THSD4: variants seen among roughly 807,000 people sequenced by gnomAD.
The protein encoded by THSD4 is thrombospondin type-1 domain-containing protein 4.
A neutral mutation model predicts 119.0 loss-of-function variants in THSD4; 69 were observed. The observed-to-expected ratio is 0.58, with a 90% CI of 0.48 to 0.71. THSD4 has a LOEUF of 0.71. Ranked by LOEUF, THSD4 falls within the 30% of genes least tolerant of loss-of-function variation. The pLI is 0.00. For synonymous variants in THSD4, 524 were observed against 540.4 expected, an observed-to-expected ratio of 0.97 and a Z score of 0.42; for missense variants, 1,393 against 1,391.1, an observed-to-expected ratio of 1.00 and a Z score of -0.02.
chr15:71,758,149 A>C, intron 15 of THSD4, 74 bp downstream of exon 15: 1 of 1,460,480 alleles, frequency 6.8e-7, no homozygotes, highest in Non-Finnish European at 9.1e-7. Context: ...AGGAACCAGG[A>C]CTTTGTGTCA....
At chr15:71,543,943 G>T (rs2048799225) in intron 7 of THSD4, among the ~76,000 whole-genome samples, 1 of 152,154 alleles carries the variant, frequency 6.6e-6, no homozygotes, top group Admixed American at 6.5e-5. Flanking sequence ...CAGGAGAATT[G>T]TTTGAACACA....
chr15:71,411,733 C>A lies in THSD4; in HGVS notation c.1062C>A (p.Tyr354Ter). ...AGTTGAACTGCCAGGCAATGGGCTA[C>A]CGCTTCTATGTACGGCAAGCTGAGA... Reference protein sequence around the residue: ...KCELNCQAMGYRFYVRQAEKV... With the variant: ...KCELNCQAMG Residue 354 changes from tyrosine to a stop codon, truncating the protein, a stop_gained, in exon 7 of 18, where the codon TAC (tyrosine) becomes TAA (stop). Coordinates refer to ENST00000261862, the MANE Select transcript of THSD4 (RefSeq NM_024817.3). LOFTEE classifies it high-confidence loss of function. 2.5e-6 allele frequency: 4 copies of A among 1,614,134 alleles called. No individual in the cohort carries two copies. The highest frequency in any genetic ancestry group is 3.4e-6 in the Non-Finnish European group (4 of 1,180,006).
chr15:71,622,289 A>G (rs1044325765), intron 7 of THSD4, among the ~76,000 whole-genome samples: 1 of 152,176 alleles, frequency 6.6e-6, no homozygotes, highest in African/African-American at 2.4e-5. Flanking sequence ...AGTTGGTCCT[A>G]TTTTGGGTAA....
upstream of THSD4, chr15:71,111,709 A>G (rs754248167): frequency 2.8e-5 from 15 of 528,480 alleles, no homozygotes; most frequent in Non-Finnish European, 4.7e-5. Context: ...AGGGGTTTGA[A>G]TGTAGGTCCA....
chr15:71,725,719 T>C (rs2088864), intron 8 of THSD4, among the ~76,000 whole-genome samples: 82,577 of 151,856 alleles, frequency 0.54, 26,679 homozygotes, highest in East Asian at 0.81. Context: ...ATTTCCTCAA[T>C]GGAATGATGG....
upstream of THSD4, among the ~76,000 whole-genome samples, chr15:71,113,025 A>C (rs575198028): frequency 2.0e-5 from 3 of 152,228 alleles, no homozygotes; most frequent in South Asian, 6.2e-4. Flanking sequence ...CTAAAAATAA[A>C]AAATGAAAAA....
At chr15:71,312,017 CCTA>C (rs2045117619) in intron 6 of THSD4, among the ~76,000 whole-genome samples, 1 of 152,194 alleles carries the variant, frequency 6.6e-6, no homozygotes, top group Non-Finnish European at 1.5e-5. Context: ...GTGACACTGT[CCTA>C]CTGCAGACCC....
intron 14 of THSD4, among the ~76,000 whole-genome samples, chr15:71,749,737 T>TTTATTTATTTATTTA (rs1272403460): frequency 4.4e-5 from 1 of 22,616 alleles, no homozygotes. Context: ...TTATTTATTT[T>TTTATTTATTTATTTA]GAGACCGGGT....
Position 71,241,907 on chromosome 15 carries a change from A to G in THSD4, c.465-742A>G, listed in dbSNP as rs2044156592. Among the ~76,000 whole-genome samples the G allele has an allele frequency of 1.3e-5, 2 of 152,212 alleles. 1 individual carries two copies. The highest frequency in any genetic ancestry group is 4.8e-5 in the African/African-American group (2 of 41,546). On this transcript the variant is annotated intron_variant, in intron 4 of 17. Coordinates refer to ENST00000261862, the MANE Select transcript of THSD4 (RefSeq NM_024817.3). Reference sequence around the variant, plus strand: ...AAACATTATGAGATTTTTTTTTGCAATATATTTTTTTAGCTCATCAACTGT... The same window carrying G: ...AAACATTATGAGATTTTTTTTTGCAGTATATTTTTTTAGCTCATCAACTGT...
chr15:71,636,733 A>G (rs947575538), intron 7 of THSD4, among the ~76,000 whole-genome samples: 10 of 151,822 alleles, frequency 6.6e-5, no homozygotes, highest in African/African-American at 1.5e-4. Flanking sequence ...GCCTTTGACA[A>G]TCCTGACCCC....
chr15:71,728,427 G>T (rs1477551349), intron 8 of THSD4, 122 bp from the exon 9 acceptor site: 2 of 1,210,564 alleles, frequency 1.7e-6, no homozygotes, highest in Non-Finnish European at 2.3e-6. Flanking sequence ...ATCATTGCCT[G>T]GCACATAGTG....
rs781496302 is a variant in THSD4 at position 71,418,210 on chromosome 15, T to C, written c.1152+6387T>C. The stretch of plus-strand genomic sequence containing the variant: ...AAATTTTATCATCTGCAAACAAGGG[T>C]AATTTGGCTTCGTCCTTTCCAATTT... On this transcript the variant is annotated intron_variant, in intron 7 of 17. Coordinates refer to ENST00000261862, the MANE Select transcript of THSD4 (RefSeq NM_024817.3). Among the ~76,000 whole-genome samples, 7 of 108,024 alleles carry C rather than the reference T, an allele frequency of 6.5e-5. 1 individual carries two copies. Among genetic ancestry groups the C allele is most frequent in the Admixed American group, 1.2e-4 (1 of 8,348 alleles). The allele number at this position is 108,024 out of a possible 152,430, so 70.9% of individuals were successfully genotyped here.
intron 7 of THSD4, among the ~76,000 whole-genome samples, chr15:71,615,754 C>G (rs938199163): frequency 6.6e-6 from 1 of 152,168 alleles, no homozygotes; most frequent in Non-Finnish European, 1.5e-5. Flanking sequence ...CGAAAAGAGG[C>G]CTCTGCAGCC....
At chr15:71,641,999 G>A (rs186694555) in intron 7 of THSD4, among the ~76,000 whole-genome samples, 2 of 152,302 alleles carry the variant, frequency 1.3e-5, no homozygotes, top group African/African-American at 2.4e-5. Context: ...GAAAGGAAGT[G>A]TCACAGACCA....
At chr15:71,340,092 C>A (rs140878679) in intron 6 of THSD4, among the ~76,000 whole-genome samples, 2 of 152,206 alleles carry the variant, frequency 1.3e-5, no homozygotes, top group East Asian at 3.9e-4. Context: ...GATGTTGATC[C>A]GAATTTCTAG....
chr15:71,669,337 GAT>G (rs2051476162), intron 8 of THSD4, among the ~76,000 whole-genome samples: 1 of 152,086 alleles, frequency 6.6e-6, no homozygotes. Flanking sequence ...CATTTTTGGT[GAT>G]GTCTATCTAA....
At chr15:71,694,058 A>G (rs1183616897) in intron 8 of THSD4, among the ~76,000 whole-genome samples, 5 of 152,166 alleles carry the variant, frequency 3.3e-5, no homozygotes, top group Non-Finnish European at 7.4e-5. Context: ...GCCAGTGTCA[A>G]GGTTGGAGGT....
chr15:71,407,329 G>A (rs916489719), intron 6 of THSD4, among the ~76,000 whole-genome samples: 1 of 152,122 alleles, frequency 6.6e-6, no homozygotes, highest in African/African-American at 2.4e-5. Context: ...TGCTGCTTAG[G>A]ATCAGCTTTC....
chr15:71,669,129 A>G (rs1309869039), intron 8 of THSD4, among the ~76,000 whole-genome samples: 2 of 152,338 alleles, frequency 1.3e-5, no homozygotes, highest in Middle Eastern at 3.4e-3. Context: ...CCAGAAGCAC[A>G]TGAAATAATT....
Sources: gnomAD v4.1 joint callset for allele counts (sites outside exome capture counted in the v4.1 genomes callset) on GRCh38, gnomAD v4.1.1 for gene constraint, MANE v1.5 for transcripts, NCBI Gene and HGNC (gene_info 2026-07-23, HGNC 2026-07-21) for gene names.